Variants in PDS5A observed in about 807,000 individuals in gnomAD.
PDS5A encodes the protein PDS5 cohesin associated factor A, also known as sister chromatid cohesion protein PDS5 homolog A.
PDS5A carries 42 observed loss-of-function variants against 167.1 expected under a neutral mutation model. That is an observed-to-expected ratio of 0.25 (90% CI 0.20 to 0.33). The LOEUF is 0.33. Ranked by LOEUF, PDS5A falls within the 10% of genes least tolerant of loss-of-function variation. The pLI, the probability that PDS5A is intolerant of heterozygous loss-of-function variation, is 1.00. For missense variants in PDS5A, 1,033 were observed against 1,605.9 expected (o/e 0.64, Z 6.10); for synonymous variants, 553 against 554.6 (o/e 1.00, Z 0.04).
intron 26 of PDS5A, among the ~76,000 whole-genome samples, chr4:39,856,585 G>A (rs1718541843): frequency 6.6e-6 from 1 of 152,088 alleles, no homozygotes; most frequent in Non-Finnish European, 1.5e-5. Flanking sequence ...GGAGGTCAAG[G>A]TGGGTGGATC....
At chr4:39,915,954 A>G (rs182289040) in intron 8 of PDS5A, among the ~76,000 whole-genome samples, 408 of 152,244 alleles carry the variant, frequency 2.7e-3, no homozygotes, top group African/African-American at 9.6e-3. Flanking sequence ...ATATTCCTTG[A>G]CCAGGCTCAG....
chr4:39,837,588 A>G (rs1289670460), intron 32 of PDS5A: 1 of 379,756 alleles, frequency 2.6e-6, no homozygotes, highest in Non-Finnish European at 4.7e-6. Context: ...AGCAAAAGAA[A>G]TATTTGTCTT....
chr4:39,851,536 C>T (rs780787994), intron 26 of PDS5A, among the ~76,000 whole-genome samples: 7 of 152,270 alleles, frequency 4.6e-5, no homozygotes, highest in Non-Finnish European at 7.4e-5. Context: ...AATCTACCTG[C>T]CTTGGCCTCA....
intron 2 of PDS5A, among the ~76,000 whole-genome samples, chr4:39,930,246 A>AATTTTT: frequency 5.4e-5 from 5 of 93,162 alleles, no homozygotes; most frequent in Admixed American, 1.1e-4. Flanking sequence ...AAAAAAAAAA[A>AATTTTT]GTTTTTTTGT....
chr4:39,866,133 G>A (rs1266957018), intron 23 of PDS5A, among the ~76,000 whole-genome samples: 1 of 152,080 alleles, frequency 6.6e-6, no homozygotes, highest in African/African-American at 2.4e-5. Flanking sequence ...TATTTATTTT[G>A]AGACAGGCTC....
chr4:39,892,334 T>C (rs755111328), intron 16 of PDS5A, among the ~76,000 whole-genome samples: 1 of 152,172 alleles, frequency 6.6e-6, no homozygotes, highest in Non-Finnish European at 1.5e-5. Flanking sequence ...TGCTAATATA[T>C]AGAACCAGGC....
chr4:39,976,354 CT>C (rs1731080069), intron 2 of PDS5A, 85 bp downstream of exon 2: 8 of 1,178,790 alleles, frequency 6.8e-6, no homozygotes, highest in Non-Finnish European at 9.6e-6. Context: ...AAACTTGGAA[CT>C]TTAAAGGCCA....
chr4:39,862,272 A>G lies in PDS5A; in HGVS notation c.3033T>C (p.His1011=). The change falls in exon 26 of 33, where the codon CAT becomes CAC. Residue 1011 remains histidine (H), a synonymous_variant. Transcript: ENST00000303538. ...CTTGTGATCTTGTAAAATCTGGATC[A>G]TGGGCTAGCAGGTGAATCATGTATG... ...VVPYMIHLLA[H]DPDFTRSQDV... 6.5e-7 allele frequency: 1 copy of G among 1,542,640 alleles called. No individual in the cohort carries two copies. The highest frequency in any genetic ancestry group is 2.4e-5 in the East Asian group (1 of 41,828).
At chr4:39,910,170 A>G (rs1274874739) in intron 10 of PDS5A, 74 bp downstream of exon 10, 15 of 717,392 alleles carry the variant, frequency 2.1e-5, no homozygotes, top group Non-Finnish European at 2.7e-5. Context: ...TGGAAAGTGA[A>G]GTTAGGTCAC....
At chr4:39,901,727 T>C (rs1000204414) in intron 13 of PDS5A, among the ~76,000 whole-genome samples, 8 of 152,180 alleles carry the variant, frequency 5.3e-5, no homozygotes, top group African/African-American at 1.9e-4. Flanking sequence ...GATCCTTCCA[T>C]CTTCAGATCA....
intron 2 of PDS5A, among the ~76,000 whole-genome samples, chr4:39,975,647 C>G (rs1422962426): frequency 5.3e-5 from 8 of 152,210 alleles, no homozygotes; most frequent in Admixed American, 5.2e-4. Context: ...TTCCCCTACT[C>G]CAATCTAGCA....
intron 25 of PDS5A, among the ~76,000 whole-genome samples, chr4:39,862,643 T>C (rs142759369): frequency 7.2e-4 from 110 of 152,248 alleles, no homozygotes; most frequent in African/African-American, 2.6e-3. Flanking sequence ...CAAATTAAAC[T>C]ACACTCCTGA....
intron 32 of PDS5A, among the ~76,000 whole-genome samples, chr4:39,832,993 TAAAAAAAA>T (rs1716042607): frequency 1.3e-5 from 2 of 148,534 alleles, no homozygotes; most frequent in Non-Finnish European, 3.0e-5. Flanking sequence ...CCATCTCTAC[TAAAAAAAA>T]GAAAAAAATA....
intron 11 of PDS5A, among the ~76,000 whole-genome samples, chr4:39,906,330 T>C (rs1374599149): frequency 6.6e-6 from 1 of 151,504 alleles, no homozygotes; most frequent in Non-Finnish European, 1.5e-5. Flanking sequence ...ATTACACCAC[T>C]GCACTCAAGC....
intron 5 of PDS5A, 82 bp downstream of exon 5, chr4:39,925,749 ATATCT>A (rs1280679215): frequency 4.8e-6 from 2 of 419,322 alleles, no homozygotes; most frequent in Non-Finnish European, 4.3e-6. Context: ...TAACTCTGAA[ATATCT>A]TAGTGTACAT....
chr4:39,945,693 A>G (rs1205597807), intron 2 of PDS5A, among the ~76,000 whole-genome samples: 1 of 152,034 alleles, frequency 6.6e-6, no homozygotes, highest in Non-Finnish European at 1.5e-5. Context: ...TTAGATGAAG[A>G]CTACAGTAGA....
At chr4:39,842,875 G>A (rs1341655116) in intron 30 of PDS5A, among the ~76,000 whole-genome samples, 3 of 127,606 alleles carry the variant, frequency 2.4e-5, no homozygotes, top group African/African-American at 9.2e-5. Flanking sequence ...TTTATAATTA[G>A]AAAATGTTAG....
chr4:39,895,659 T>C (rs752173109), intron 16 of PDS5A, among the ~76,000 whole-genome samples: 12 of 152,206 alleles, frequency 7.9e-5, no homozygotes, highest in Non-Finnish European at 1.3e-4. Context: ...TCTTCAATGA[T>C]AAATTATCCT....
At chr4:39,839,581 C>T (rs1417824488) in intron 31 of PDS5A, among the ~76,000 whole-genome samples, 1 of 151,866 alleles carries the variant, frequency 6.6e-6, no homozygotes, top group Non-Finnish European at 1.5e-5. Flanking sequence ...AAAGTATCCT[C>T]ATGTAGCTGA....
Sources: gnomAD v4.1 joint callset for allele counts (sites outside exome capture counted in the v4.1 genomes callset) on GRCh38, gnomAD v4.1.1 for gene constraint, MANE v1.5 for transcripts, NCBI Gene and HGNC (gene_info 2026-07-23, HGNC 2026-07-21) for gene names.